ROCK2: variants seen among roughly 807,000 people sequenced by gnomAD.
The protein encoded by ROCK2 is Rho associated coiled-coil containing protein kinase 2.
In ROCK2, 61 loss-of-function variants were observed where a neutral mutation model predicts 195.1. The observed-to-expected ratio is 0.31, with a 90% CI of 0.25 to 0.39. The LOEUF is 0.39. Ranked by LOEUF, ROCK2 falls within the 10% of genes least tolerant of loss-of-function variation. ROCK2 has a pLI of 1.00. For missense variants in ROCK2, 1,109 were observed against 1,637.4 expected (o/e 0.68, Z 5.57); for synonymous variants, 504 against 545.5 (o/e 0.92, Z 1.06).
chr2:11,229,814 G>A (rs1664941761), intron 5 of ROCK2, among the ~76,000 whole-genome samples: 1 of 152,080 alleles, frequency 6.6e-6, no homozygotes, highest in Non-Finnish European at 1.5e-5. Flanking sequence ...GTTTGTCACA[G>A]GGATAAGGAC....
At chr2:11,329,072 A>C (rs918152895) in intron 1 of ROCK2, among the ~76,000 whole-genome samples, 1 of 140,582 alleles carries the variant, frequency 7.1e-6, no homozygotes, top group African/African-American at 2.5e-5. Flanking sequence ...TATAATAATA[A>C]TTTTTTTAAA....
intron 1 of ROCK2, among the ~76,000 whole-genome samples, chr2:11,334,073 T>C (rs1028374559): frequency 4.6e-5 from 7 of 152,212 alleles, no homozygotes; most frequent in African/African-American, 1.7e-4. Flanking sequence ...CCATCCTCCC[T>C]GCATATATAG....
intron 5 of ROCK2, chr2:11,234,647 T>A (rs1243344016): frequency 6.6e-6 from 1 of 151,972 alleles, no homozygotes; most frequent in Admixed American, 6.6e-5. Context: ...GCTGGATAGA[T>A]TAAGATAGAC....
intron 5 of ROCK2, among the ~76,000 whole-genome samples, chr2:11,229,027 G>A (rs1445290958): frequency 1.3e-5 from 2 of 152,096 alleles, no homozygotes; most frequent in African/African-American, 4.8e-5. Context: ...TAAATGTAAA[G>A]TTCTACACAA....
At chr2:11,340,972 T>C (rs1669085756) in intron 1 of ROCK2, among the ~76,000 whole-genome samples, 1 of 152,124 alleles carries the variant, frequency 6.6e-6, no homozygotes, top group African/African-American at 2.4e-5. Flanking sequence ...ACACAGTTCT[T>C]TTTACCATAA....
chr2:11,245,135 T>A (rs1665568206), intron 4 of ROCK2, among the ~76,000 whole-genome samples: 2 of 151,808 alleles, frequency 1.3e-5, no homozygotes, highest in South Asian at 4.2e-4. Flanking sequence ...ATTAGCATAT[T>A]TCATTTGCTT....
intron 3 of ROCK2, among the ~76,000 whole-genome samples, chr2:11,257,641 T>C (rs1558334099): frequency 6.6e-6 from 1 of 151,258 alleles, no homozygotes; most frequent in Non-Finnish European, 1.5e-5. Flanking sequence ...TCCGCAGATA[T>C]GGAAATGTGA....
chr2:11,289,854 G>C (rs1054221285), intron 1 of ROCK2, among the ~76,000 whole-genome samples: 1 of 152,230 alleles, frequency 6.6e-6, no homozygotes. Context: ...AATAGGGTCA[G>C]AGAGCTTTTT....
intron 3 of ROCK2, among the ~76,000 whole-genome samples, chr2:11,277,758 T>C (rs930033198): frequency 2.6e-5 from 4 of 152,190 alleles, no homozygotes; most frequent in Admixed American, 6.5e-5. Flanking sequence ...GGTCCCAAGA[T>C]TTTGCAATTG....
chr2:11,221,977 G>T, intron 8 of ROCK2, 106 bp downstream of exon 8: 1 of 633,366 alleles, frequency 1.6e-6, no homozygotes, highest in South Asian at 2.4e-5. Context: ...ATTTAAAAAT[G>T]AGTTAGCATT....
At chr2:11,297,553 T>G (rs906652502) in intron 1 of ROCK2, among the ~76,000 whole-genome samples, 1 of 152,174 alleles carries the variant, frequency 6.6e-6, no homozygotes, top group East Asian at 1.9e-4. Flanking sequence ...ATATGTTGTT[T>G]TTTTTTCTCT....
At chr2:11,283,336 G>A (rs1667074855) in intron 3 of ROCK2, among the ~76,000 whole-genome samples, 1 of 150,818 alleles carries the variant, frequency 6.6e-6, no homozygotes, top group South Asian at 2.1e-4. Context: ...CGAGGCGGGT[G>A]GATCATGAGG....
chr2:11,258,794 G>T (rs1666124649), intron 3 of ROCK2, among the ~76,000 whole-genome samples: 6 of 151,128 alleles, frequency 4.0e-5, no homozygotes, highest in Middle Eastern at 3.4e-3. Flanking sequence ...TAAGTCTAGG[G>T]CTAAGGTATA....
At chr2:11,307,840 C>T (rs1379318869) in intron 1 of ROCK2, among the ~76,000 whole-genome samples, 1 of 152,106 alleles carries the variant, frequency 6.6e-6, no homozygotes, top group African/African-American at 2.4e-5. Flanking sequence ...TCATTAGTCC[C>T]TAAACAATAC....
chr2:11,241,179 A>G (rs908686812), intron 4 of ROCK2, among the ~76,000 whole-genome samples: 22 of 152,230 alleles, frequency 1.4e-4, no homozygotes, highest in Non-Finnish European at 2.6e-4. Context: ...ATGAATCTCA[A>G]AACAATTTTG....
intron 3 of ROCK2, among the ~76,000 whole-genome samples, chr2:11,258,498 C>T (rs1473617195): frequency 6.6e-6 from 1 of 151,220 alleles, no homozygotes; most frequent in African/African-American, 2.5e-5. Context: ...TTCTGAATCA[C>T]CAAAACTGTA....
chr2:11,310,387 A>T (rs886701292), intron 1 of ROCK2, among the ~76,000 whole-genome samples: 1 of 151,612 alleles, frequency 6.6e-6, no homozygotes, highest in Non-Finnish European at 1.5e-5. Context: ...GGTGATTCCT[A>T]CAATTAACAT....
chr2:11,277,316 G>A (rs1382132931), intron 3 of ROCK2, among the ~76,000 whole-genome samples: 1 of 152,064 alleles, frequency 6.6e-6, no homozygotes, highest in East Asian at 1.9e-4. Context: ...CAACCTTCTG[G>A]CAACCACCAA....
At chr2:11,272,583 T>TAA (rs1666676762) in intron 3 of ROCK2, among the ~76,000 whole-genome samples, 1 of 151,398 alleles carries the variant, frequency 6.6e-6, no homozygotes, top group African/African-American at 2.4e-5. Context: ...GCAGAGCTGT[T>TAA]AAAGAAGCAG....
Sources: allele counts gnomAD v4.1 joint callset (sites outside exome capture counted in the v4.1 genomes callset), GRCh38; gene constraint gnomAD v4.1.1; transcripts MANE v1.5; gene names NCBI Gene and HGNC (gene_info 2026-07-23, HGNC 2026-07-21).